MCOLN2: variants seen among roughly 807,000 people sequenced by gnomAD.
The protein encoded by MCOLN2 is mucolipin TRP cation channel 2.
MCOLN2 carries 57 observed loss-of-function variants against 67.5 expected under a neutral mutation model. That is an observed-to-expected ratio of 0.84 (90% CI 0.68 to 1.05). MCOLN2 has a LOEUF of 1.05. Ranked by LOEUF, MCOLN2 falls within the 50% of genes least tolerant of loss-of-function variation. The pLI is 0.00. For synonymous variants in MCOLN2, 246 were observed against 233.3 expected (o/e 1.05, Z -0.50); for missense variants, 620 against 678.8 (o/e 0.91, Z 0.96).
intron 1 of MCOLN2, among the ~76,000 whole-genome samples, chr1:84,971,499 T>TAC (rs71097870): frequency 0.22 from 28,825 of 131,956 alleles, 3,104 homozygotes; most frequent in Non-Finnish European, 0.27. Flanking sequence ...TAAACAGACA[T>TAC]ACACACACAC....
At chr1:84,930,269 T>A (rs75449352) in intron 12 of MCOLN2, among the ~76,000 whole-genome samples, 14,644 of 143,946 alleles carry the variant, frequency 0.1, 1,195 homozygotes, top group African/African-American at 0.23. Flanking sequence ...TCTCTTTTTT[T>A]AAAAAAAAAA....
chr1:84,938,042 G>T lies in MCOLN2; in HGVS notation c.1151C>A (p.Thr384Asn), dbSNP rs1355298037. ...NYDLCSIFLGTSTLLVWVGVI... is the reference protein window; with the variant it reads ...NYDLCSIFLGNSTLLVWVGVI... ...TCCAACCCAAACCAAGAGCGTAGAG[G>T]TTCCAAGAAAAATGCTGCAGAGATC... The change falls in exon 10 of 14, where the codon ACC becomes AAC. Residue 384 changes from threonine (T) to asparagine (N), a missense_variant. Physicochemically the swap from Thr to Asn is moderately conservative, Grantham distance 65. Transcript: ENST00000370608. 3 of 1,613,716 alleles carry T rather than the reference G, an allele frequency of 1.9e-6. No individual in the cohort carries two copies. Among genetic ancestry groups the T allele is most frequent in the African/African-American group, 2.7e-5 (2 of 74,848 alleles).
intron 1 of MCOLN2, among the ~76,000 whole-genome samples, chr1:84,977,646 G>C (rs1650057672): frequency 6.6e-6 from 1 of 152,032 alleles, no homozygotes; most frequent in South Asian, 2.1e-4. Context: ...AGACAAAAAA[G>C]TTCACTATAT....
intron 13 of MCOLN2, among the ~76,000 whole-genome samples, chr1:84,928,330 A>G (rs1351815299): frequency 6.6e-6 from 1 of 152,122 alleles, no homozygotes; most frequent in Non-Finnish European, 1.5e-5. Flanking sequence ...TTTAGGGCAA[A>G]TGGTCTGCTG....
At chr1:84,984,498 C>T (rs1206128803) in intron 1 of MCOLN2, among the ~76,000 whole-genome samples, 1 of 152,170 alleles carries the variant, frequency 6.6e-6, no homozygotes, top group Non-Finnish European at 1.5e-5. Flanking sequence ...AATTGGAATC[C>T]CCATCTCTTG....
chr1:84,929,774 T>G (rs1661316405), intron 12 of MCOLN2, 95 bp from the exon 13 acceptor site: 2 of 1,214,344 alleles, frequency 1.6e-6, no homozygotes, highest in Admixed American at 4.2e-5. Flanking sequence ...AAAATAAAAC[T>G]CTCCCACATT....
Position 84,935,753 on chromosome 1 carries a change from T to C in MCOLN2, c.1335+2002A>G, listed in dbSNP as rs145341148. Among the ~76,000 whole-genome samples the C allele has an allele frequency of 1.5e-4, 23 of 152,336 alleles. 1 individual carries two copies. The East Asian group carries it at 3.3e-3, about 22-fold the overall frequency. Reference sequence around the variant, plus strand: ...AAACTGTATTTTTCTTGGACAGTGCTGGCTCAGAGCATCCCAGTTTCACCT... The same window carrying C: ...AAACTGTATTTTTCTTGGACAGTGCCGGCTCAGAGCATCCCAGTTTCACCT... On this transcript the variant is annotated intron_variant, in intron 11 of 13. Transcript: ENST00000370608.
chr1:84,956,700 A>C, intron 3 of MCOLN2, 116 bp from the exon 4 acceptor site: 1 of 803,264 alleles, frequency 1.2e-6, no homozygotes. Flanking sequence ...ATGGCTCTCA[A>C]TAGAACTTCC....
chr1:84,951,254 A>G (rs1648418101), intron 6 of MCOLN2, among the ~76,000 whole-genome samples: 1 of 152,178 alleles, frequency 6.6e-6, no homozygotes, highest in Non-Finnish European at 1.5e-5. Flanking sequence ...CATAGTATGG[A>G]CTCATTAAGT....
intron 13 of MCOLN2, among the ~76,000 whole-genome samples, chr1:84,927,383 A>T (rs1437913235): frequency 1.3e-5 from 2 of 152,138 alleles, no homozygotes; most frequent in African/African-American, 2.4e-5. Flanking sequence ...TTAACTCTGC[A>T]TCTGTTCAAC....
At position 84,926,733 on chromosome 1, in the gene MCOLN2, A is replaced by C. The variant is rs752793348; in HGVS notation, c.1665-12T>G. ...CATCACTTCTTTTCCTGTAACAGAA[A>C]GGGAAAGAAGAAAAGAGGAAAGATA... On this transcript the variant is annotated splice_polypyrimidine_tract_variant and intron_variant, in intron 13 of 13. Transcript: ENST00000370608. 1.3e-6 allele frequency: 2 copies of C among 1,589,302 alleles called. No homozygotes were observed. Among genetic ancestry groups the C allele is most frequent in the Non-Finnish European group, 1.7e-6 (2 of 1,163,860 alleles).
chr1:84,956,699 A>G, intron 3 of MCOLN2, 115 bp from the exon 4 acceptor site: 1 of 808,260 alleles, frequency 1.2e-6, no homozygotes. Flanking sequence ...CATGGCTCTC[A>G]ATAGAACTTC....
chr1:84,953,330 T>G (rs1256231005), intron 4 of MCOLN2, among the ~76,000 whole-genome samples: 2 of 152,086 alleles, frequency 1.3e-5, no homozygotes, highest in Non-Finnish European at 2.9e-5. Flanking sequence ...GGTGGGCGGA[T>G]CATGAGGTTA....
At chr1:84,943,003 T>C (rs1647880176) in intron 7 of MCOLN2, among the ~76,000 whole-genome samples, 1 of 152,106 alleles carries the variant, frequency 6.6e-6, no homozygotes, top group African/African-American at 2.4e-5. Context: ...AATTAGCTAG[T>C]TTCAGGCATT....
intron 1 of MCOLN2, among the ~76,000 whole-genome samples, chr1:84,975,876 G>A (rs891892319): frequency 2.0e-5 from 3 of 152,164 alleles, no homozygotes; most frequent in South Asian, 2.1e-4. Context: ...GCTGAAAAAT[G>A]CAATTGGCAT....
Position 84,939,690 on chromosome 1 carries a change from A to T in MCOLN2, c.973T>A (p.Phe325Ile). 1 of 1,613,972 alleles carries T rather than the reference A, an allele frequency of 6.2e-7. No homozygotes were observed. The highest frequency in any genetic ancestry group is 2.2e-5 in the East Asian group (1 of 44,876). ...ALRLRKRFLN[F>I]FLEKYKRPVC... The stretch of plus-strand genomic sequence containing the variant: ...GGCCGCTTGTACTTCTCCAGGAAGA[A>T]ATTTAGAAATCTCTATGGCAAACAT... The change falls in exon 9 of 14, where the codon TTC becomes ATC. Residue 325 changes from phenylalanine to isoleucine, a missense_variant. Physicochemically the swap from Phe to Ile is conservative, Grantham distance 21. Transcript: ENST00000370608.
At chr1:84,982,716 CT>C (rs1374494002) in intron 1 of MCOLN2, among the ~76,000 whole-genome samples, 30 of 152,206 alleles carry the variant, frequency 2.0e-4, no homozygotes, top group African/African-American at 7.2e-4. Flanking sequence ...GTTTGTTCCC[CT>C]GACCCCAACA....
chr1:84,980,679 A>G (rs1650212553), intron 1 of MCOLN2, among the ~76,000 whole-genome samples: 1 of 152,154 alleles, frequency 6.6e-6, no homozygotes, highest in Non-Finnish European at 1.5e-5. Context: ...ATCAAATCAA[A>G]ATGGATTAAA....
intron 7 of MCOLN2, among the ~76,000 whole-genome samples, chr1:84,941,501 C>CA (rs201847563): frequency 0.016 from 2,427 of 151,798 alleles, 71 homozygotes; most frequent in African/African-American, 0.055. Context: ...TGTCTCAAAA[C>CA]AAAAAACAAA....
Sources: allele counts gnomAD v4.1 joint callset (sites outside exome capture counted in the v4.1 genomes callset), GRCh38; gene constraint gnomAD v4.1.1; transcripts MANE v1.5; gene names NCBI Gene and HGNC (gene_info 2026-07-23, HGNC 2026-07-21).